Variants in GALNT11 observed in about 807,000 individuals in gnomAD.
GALNT11 encodes the protein UDP-GalNAc:polypeptide N-acetylgalactosaminyltransferase 11.
GALNT11 carries 47 observed loss-of-function variants against 72.7 expected under a neutral mutation model. The observed-to-expected ratio is 0.65, with a 90% CI of 0.51 to 0.82. The LOEUF is 0.82. GALNT11 is among the 40% of genes least tolerant of loss of function. The pLI is 0.00. For synonymous variants in GALNT11, 270 were observed against 286.6 expected (o/e 0.94, Z 0.58); for missense variants, 677 against 778.4 (o/e 0.87, Z 1.55).
At chr7:152,071,611 TTAAAG>T (rs1296614634) in intron 1 of GALNT11, among the ~76,000 whole-genome samples, 1 of 152,130 alleles carries the variant, frequency 6.6e-6, no homozygotes, top group Non-Finnish European at 1.5e-5. Flanking sequence ...GATTAAGAGA[TTAAAG>T]TAAAGACAGG....
intron 1 of GALNT11, among the ~76,000 whole-genome samples, chr7:152,039,147 G>A (rs1041691648): frequency 2.0e-5 from 3 of 152,154 alleles, no homozygotes; most frequent in African/African-American, 4.8e-5. Flanking sequence ...GCCATGGCAC[G>A]CAGACTGAGG....
rs146568626 is a variant in GALNT11, at chr7:152,114,807, G to A, written c.1233+1409G>A. Among the ~76,000 whole-genome samples, 417 of 150,884 alleles carry A rather than the reference G, an allele frequency of 2.8e-3. 1 individual carries two copies. Among genetic ancestry groups the A allele is most frequent in the Middle Eastern group, 0.01 (3 of 290 alleles). On this transcript the variant is annotated intron_variant, in intron 8 of 11. Transcript: ENST00000430044. Reference sequence around the variant, plus strand: ...TGTATGCCAGGCTCTGTGTTAGGGCGTGAGCCACCACGCCTGGTTGCTGCT... The same window carrying A: ...TGTATGCCAGGCTCTGTGTTAGGGCATGAGCCACCACGCCTGGTTGCTGCT...
intron 5 of GALNT11, chr7:152,107,137 C>G (rs2087650656): frequency 6.6e-6 from 1 of 152,026 alleles, no homozygotes; most frequent in South Asian, 2.1e-4. Flanking sequence ...GTAAAATCTT[C>G]ATACATTTCA....
At chr7:152,112,783 T>C (rs888250208) in intron 7 of GALNT11, among the ~76,000 whole-genome samples, 4 of 152,096 alleles carry the variant, frequency 2.6e-5, no homozygotes, top group African/African-American at 9.7e-5. Context: ...AGTTATTCTA[T>C]ATATTTTATA....
intron 3 of GALNT11, 151 bp from the exon 4 acceptor site, chr7:152,102,961 A>C: frequency 1.5e-6 from 1 of 689,352 alleles, no homozygotes. Context: ...AGCCTGGGCA[A>C]CAAGAGCGAG....
At chr7:152,116,792 A>G (rs1023827191) in intron 8 of GALNT11, 3 of 393,180 alleles carry the variant, frequency 7.6e-6, no homozygotes, top group Admixed American at 6.9e-5. Context: ...AATAGAAAGC[A>G]GTGTCACTGT....
At chr7:152,108,353 TA>T in intron 6 of GALNT11, 66 bp downstream of exon 6, 1 of 1,533,532 alleles carries the variant, frequency 6.5e-7, no homozygotes, top group Non-Finnish European at 8.8e-7. Flanking sequence ...AAAATGATAT[TA>T]AAGATAATTC....
At chr7:152,059,609 A>G in intron 1 of GALNT11, among the ~76,000 whole-genome samples, 1 of 152,226 alleles carries the variant, frequency 6.6e-6, no homozygotes, top group East Asian at 1.9e-4. Flanking sequence ...TGAAAACAAC[A>G]TTTATCTCCT....
chr7:152,035,552 C>T (rs1369108863), intron 1 of GALNT11, among the ~76,000 whole-genome samples: 3 of 152,126 alleles, frequency 2.0e-5, no homozygotes, highest in Non-Finnish European at 2.9e-5. Flanking sequence ...TCCTCTCTGT[C>T]GACCCTCGGC....
At chr7:152,116,580 AT>A (rs2129072044) in intron 8 of GALNT11, among the ~76,000 whole-genome samples, 1 of 152,378 alleles carries the variant, frequency 6.6e-6, no homozygotes, top group South Asian at 2.1e-4. Context: ...AAAAATCTTA[AT>A]ATGATTTCAT....
Position 152,048,017 on chromosome 7 carries a change from A to C in GALNT11, c.-39+22133A>C, listed in dbSNP as rs183282879. Among the ~76,000 whole-genome samples the C allele has an allele frequency of 2.0e-4, 31 of 152,022 alleles. 5 individuals are homozygous for C. Among genetic ancestry groups the C allele is most frequent in the African/African-American group, 7.0e-4 (29 of 41,354 alleles). On this transcript the variant is annotated intron_variant, in intron 1 of 11. Coordinates refer to ENST00000430044, the MANE Select transcript of GALNT11 (RefSeq NM_022087.4). The stretch of plus-strand genomic sequence containing the variant: ...ACCACTGAGTTTTGTACCTTCAGAC[A>C]CTTTCTTATTGTGCATTAATGTCCT...
intron 1 of GALNT11, among the ~76,000 whole-genome samples, chr7:152,034,964 T>G (rs1364909907): frequency 6.6e-6 from 1 of 152,142 alleles, no homozygotes; most frequent in Non-Finnish European, 1.5e-5. Context: ...CATTCTCCAG[T>G]TAGTATTGGG....
At chr7:152,059,997 G>T (rs1279213289) in intron 1 of GALNT11, among the ~76,000 whole-genome samples, 1 of 151,872 alleles carries the variant, frequency 6.6e-6, no homozygotes, top group Non-Finnish European at 1.5e-5. Context: ...AGTCTGCATT[G>T]AAAATATATT....
At chr7:152,057,553 C>T (rs2083756575) in intron 1 of GALNT11, among the ~76,000 whole-genome samples, 1 of 152,048 alleles carries the variant, frequency 6.6e-6, no homozygotes, top group Non-Finnish European at 1.5e-5. Flanking sequence ...ATGACCCACC[C>T]GCCTCAGCCT....
intron 4 of GALNT11, chr7:152,103,576 C>A: frequency 3.5e-6 from 1 of 283,144 alleles, no homozygotes; most frequent in South Asian, 5.4e-5. Context: ...GGCCTATGTA[C>A]CTTTATCCAG....
At chr7:152,057,078 A>G (rs541585018) in intron 1 of GALNT11, among the ~76,000 whole-genome samples, 175 of 148,730 alleles carry the variant, frequency 1.2e-3, no homozygotes, top group Admixed American at 2.4e-3. Context: ...GCCAGTCTTG[A>G]ATTCCTGGGC....
chr7:152,066,927 A>G (rs191299282), intron 1 of GALNT11, among the ~76,000 whole-genome samples: 1 of 152,358 alleles, frequency 6.6e-6, no homozygotes, highest in African/African-American at 2.4e-5. Flanking sequence ...TATTCGCAAA[A>G]CGTAACACCG....
chr7:152,101,724 C>G (rs1184000578), intron 3 of GALNT11, among the ~76,000 whole-genome samples: 1 of 151,880 alleles, frequency 6.6e-6, no homozygotes, highest in African/African-American at 2.4e-5. Flanking sequence ...ACCTCCACCT[C>G]CCAAGTTCAA....
chr7:152,119,388 T>C (rs1702166856), intron 10 of GALNT11: 1 of 152,098 alleles, frequency 6.6e-6, no homozygotes, highest in Non-Finnish European at 1.5e-5. Flanking sequence ...CAGTCTAATC[T>C]CATAAATTGT....
Sources: gnomAD v4.1 joint callset for allele counts (sites outside exome capture counted in the v4.1 genomes callset) on GRCh38, gnomAD v4.1.1 for gene constraint, MANE v1.5 for transcripts, NCBI Gene and HGNC (gene_info 2026-07-23, HGNC 2026-07-21) for gene names.